ZNF200: variants seen among roughly 807,000 people sequenced by gnomAD.
ZNF200 encodes the protein zinc finger protein 200.
A neutral mutation model predicts 33.6 loss-of-function variants in ZNF200; 35 were observed. The ratio of observed to expected loss-of-function variants is 1.04; its 90% confidence interval spans 0.80 to 1.38. The LOEUF (loss-of-function observed/expected upper bound fraction) is 1.38, where lower values mean the gene tolerates loss of function less well. Among genes scored for constraint, ZNF200 ranks in the 40% most tolerant of loss-of-function variants. The probability of loss-of-function intolerance (pLI) is 0.00; values close to 1 mark genes in which losing one functional copy is unlikely to be tolerated. For synonymous variants in ZNF200, 209 were observed against 167.7 expected, an observed-to-expected ratio of 1.25 and a Z score of -1.90; for missense variants, 592 against 470.6, an observed-to-expected ratio of 1.26 and a Z score of -2.39.
At chr16:3,232,044 A>C (rs990527694) in intron 4 of ZNF200, among the ~76,000 whole-genome samples, 1 of 152,256 alleles carries the variant, frequency 6.6e-6, no homozygotes, top group African/African-American at 2.4e-5. Context: ...AGTAGTCTTC[A>C]CATCTATTGA....
rs1240065365 is a variant in ZNF200 at position 3,232,886 on chromosome 16, C to G, written c.286G>C (p.Gly96Arg). 1 of 1,613,854 alleles carries G rather than the reference C, an allele frequency of 6.2e-7. No homozygotes were observed. The highest frequency in any genetic ancestry group is 1.1e-5 in the South Asian group (1 of 91,076). The change falls in exon 3 of 5, where the codon GGA (glycine) becomes CGA (arginine). Residue 96 changes from glycine to arginine, a missense_variant. Physicochemically the swap from Gly to Arg is moderately radical, Grantham distance 125. Coordinates refer to ENST00000414144, the MANE Select transcript of ZNF200 (RefSeq NM_198088.3). ...PRPLVKLLPK[G>R]VQKEQETVSL... is the part of the protein sequence containing the mutation. Reference sequence around the variant, plus strand: ...ACTGTCTCTTGTTCCTTTTGGACTCCTTTGGGCAGAAGCTTCACCAAGGGA... The same window carrying G: ...ACTGTCTCTTGTTCCTTTTGGACTCGTTTGGGCAGAAGCTTCACCAAGGGA...
At position 3,224,506 on chromosome 16, in the gene ZNF200, C is replaced by T; in HGVS notation, c.574G>A (p.Val192Ile). Residue 192 changes from valine (V) to isoleucine (I), a missense_variant, in exon 5 of 5, where the codon GTC (valine) becomes ATC (isoleucine). By Grantham distance (29) the Val-to-Ile change is conservative. Transcript: ENST00000414144. ...SDDDEMDSSL[V>I]SQQPPDNQEK... ...TGGTTATCGGGAGGCTGCTGAGAGA[C>T]CAAGGAAGAATCCATTTCATCATCA... The T allele has an allele frequency of 1.2e-6, 2 of 1,614,152 alleles. No homozygotes were observed. The highest frequency in any genetic ancestry group is 1.7e-6 in the Non-Finnish European group (2 of 1,180,026).
intron 4 of ZNF200, chr16:3,225,985 A>G (rs1201777637): frequency 6.6e-6 from 1 of 151,066 alleles, no homozygotes; most frequent in Non-Finnish European, 1.5e-5. Flanking sequence ...TACTCAAGCA[A>G]TCTTCCCAAA....
chr16:3,223,628 A>C lies in ZNF200; in HGVS notation c.*264T>G, dbSNP rs142446752. 101 of 370,432 alleles carry C rather than the reference A, an allele frequency of 2.7e-4. 1 individual carries two copies. The highest frequency in any genetic ancestry group is 7.4e-4 in the Middle Eastern group (1 of 1,346). The allele number at this position is 370,432 out of a possible 1,614,324, so 22.9% of individuals were successfully genotyped here. On this transcript the variant is annotated 3_prime_UTR_variant, in exon 5 of 5. Transcript: ENST00000414144. ...AAAGTGTTGGGAAAGGGGATCTGTGACCTGTACATTATCATATAACTTCAA... is the reference window on the plus strand; with the variant it reads ...AAAGTGTTGGGAAAGGGGATCTGTGCCCTGTACATTATCATATAACTTCAA...
intron 4 of ZNF200, among the ~76,000 whole-genome samples, chr16:3,231,219 T>C (rs1958627538): frequency 1.3e-5 from 2 of 152,108 alleles, no homozygotes; most frequent in South Asian, 4.1e-4. Flanking sequence ...TCACCCAAAA[T>C]AAATGCCAGC....
chr16:3,228,846 A>G (rs566326609), intron 4 of ZNF200, among the ~76,000 whole-genome samples: 1 of 152,300 alleles, frequency 6.6e-6, no homozygotes, highest in African/African-American at 2.4e-5. Context: ...AAATATCCAA[A>G]CTATATCAGC....
chr16:3,232,748 A>T (rs2141644727), intron 3 of ZNF200, 85 bp downstream of exon 3: 1 of 1,484,924 alleles, frequency 6.7e-7, no homozygotes, highest in Non-Finnish European at 9.3e-7. Context: ...AAGAAGGCCA[A>T]CTCCTAAGAA....
Position 3,233,463 on chromosome 16 carries a change from ACCT to A in ZNF200, c.250+40_250+42del, listed in dbSNP as rs750118644. ...ACAGAAACCTATCTTAGACTCCAGTACCTCCTCCTCCTCTTCTAGTGAAACAAG... is the reference window on the plus strand; with the variant it reads ...ACAGAAACCTATCTTAGACTCCAGTACCTCCTCCTCTTCTAGTGAAACAAG... On this transcript the variant is annotated intron_variant, in intron 2 of 4. Coordinates refer to ENST00000414144, the MANE Select transcript of ZNF200 (RefSeq NM_198088.3). 64 of 1,501,256 alleles carry A rather than the reference ACCT, an allele frequency of 4.3e-5. 1 individual carries two copies. In the African/African-American group the frequency reaches 7.7e-4, roughly 18 times the overall value. The allele number at this position is 1,501,256 out of a possible 1,614,324, so 93.0% of individuals were successfully genotyped here.
chr16:3,231,602 T>G (rs1958637063), intron 4 of ZNF200, among the ~76,000 whole-genome samples: 1 of 152,204 alleles, frequency 6.6e-6, no homozygotes, highest in Non-Finnish European at 1.5e-5. Flanking sequence ...GGCTGCTGCT[T>G]GATCAGTTCA....
Position 3,232,887 on chromosome 16 carries a change from T to C in ZNF200, c.285A>G (p.Lys95=). 1.2e-6 allele frequency: 2 copies of C among 1,613,836 alleles called. No homozygotes were observed. Among genetic ancestry groups the C allele is most frequent in the Non-Finnish European group, 1.7e-6 (2 of 1,179,842 alleles). ...CTGTCTCTTGTTCCTTTTGGACTCC[T>C]TTGGGCAGAAGCTTCACCAAGGGAC... The part of the protein sequence containing the change: ...HPRPLVKLLP[K]GVQKEQETVS... The change falls in exon 3 of 5, where the codon AAA becomes AAG. Residue 95 remains lysine (K), a synonymous_variant. Transcript: ENST00000414144.
Position 3,224,385 on chromosome 16 carries a change from G to C in ZNF200, c.695C>G (p.Ser232Ter). The part of the protein sequence containing the change: ...IENDTPLEEL[S>*]KYVDISIIAL... The stretch of plus-strand genomic sequence containing the variant: ...AATAATACTGATGTCTACATATTTT[G>C]AGAGTTCCTCTAGAGGAGTATCATT... Residue 232 changes from serine to a stop codon, truncating the protein, a stop_gained, in exon 5 of 5, where the codon TCA becomes TGA. Coordinates refer to ENST00000414144, the MANE Select transcript of ZNF200 (RefSeq NM_198088.3). LOFTEE classifies it high-confidence loss of function. 1.2e-6 allele frequency: 2 copies of C among 1,614,172 alleles called. No homozygotes were observed. Among genetic ancestry groups the C allele is most frequent in the East Asian group, 2.2e-5 (1 of 44,884 alleles).
chr16:3,223,968 C>G lies in ZNF200; in HGVS notation c.1112G>C (p.Arg371Thr), dbSNP rs1355203875. ...ERPYGCKKCG[R>T]RFGRLSNCTR... is the part of the protein sequence containing the mutation. ...ACAGTTTGACAGCCGACCAAATCTT[C>G]TCCCACATTTTTTGCAACCATATGG... Residue 371 changes from arginine to threonine, a missense_variant, in exon 5 of 5, where the codon AGA becomes ACA. Coordinates refer to ENST00000414144, the MANE Select transcript of ZNF200 (RefSeq NM_198088.3). 3.7e-6 allele frequency: 6 copies of G among 1,614,160 alleles called. No homozygotes were observed. In the African/African-American group the frequency reaches 8.0e-5, roughly 22 times the overall value.
At chr16:3,224,663 G>A (rs1245068820) in intron 4 of ZNF200, 50 bp from the exon 5 acceptor site, 1 of 1,518,646 alleles carries the variant, frequency 6.6e-7, no homozygotes. Context: ...CACAACACCA[G>A]GCAGGAAAAA....
chr16:3,224,920 T>C (rs979011033), intron 4 of ZNF200: 4 of 299,552 alleles, frequency 1.3e-5, no homozygotes, highest in Admixed American at 4.7e-5. Context: ...TTATACTCTG[T>C]AGAGCACTCA....
chr16:3,230,193 G>A (rs998338510), intron 4 of ZNF200, among the ~76,000 whole-genome samples: 5 of 152,190 alleles, frequency 3.3e-5, no homozygotes, highest in Non-Finnish European at 5.9e-5. Flanking sequence ...AGAAGCAGAC[G>A]CTGACGCCAT....
In ZNF200 at chr16:3,232,452, ATCT is replaced by A; in HGVS notation, c.432_434del (p.Glu144del). The A allele has an allele frequency of 2.5e-6, 4 of 1,614,130 alleles. No homozygotes were observed. The highest frequency in any genetic ancestry group is 3.4e-6 in the Non-Finnish European group (4 of 1,179,996). The stretch of plus-strand genomic sequence containing the variant: ...ACATCATTTCCCCGACACTGCTGTC[ATCT>A]TCCTTCTCTGACGTGAGTTGTTGAG... On this transcript the variant is annotated inframe_deletion, in exon 4 of 5. Transcript: ENST00000414144.
At chr16:3,228,421 T>C (rs1489509732) in intron 4 of ZNF200, among the ~76,000 whole-genome samples, 2 of 151,676 alleles carry the variant, frequency 1.3e-5, no homozygotes, top group Non-Finnish European at 3.0e-5. Flanking sequence ...ATCTTTTCAG[T>C]AACTATACAA....
chr16:3,228,193 G>T (rs1264386671), intron 4 of ZNF200, among the ~76,000 whole-genome samples: 2 of 152,028 alleles, frequency 1.3e-5, no homozygotes, highest in East Asian at 3.8e-4. Context: ...TCTTCTAAAT[G>T]ACCCCATTTA....
At chr16:3,227,310 A>G (rs1286720183) in intron 4 of ZNF200, 2 of 152,214 alleles carry the variant, frequency 1.3e-5, no homozygotes, top group African/African-American at 4.8e-5. Context: ...CTTAATTACA[A>G]AAACCTTCCT....
Sources: gnomAD v4.1 joint callset for allele counts (sites outside exome capture counted in the v4.1 genomes callset) on GRCh38, gnomAD v4.1.1 for gene constraint, MANE v1.5 for transcripts, NCBI Gene and HGNC (gene_info 2026-07-23, HGNC 2026-07-21) for gene names.